The following ASTN2 variants were observed in gnomAD, a reference collection of about 807,000 sequenced individuals.
ASTN2 encodes the protein astrotactin 2, also known as astrotactin-2.
ASTN2 carries 54 observed loss-of-function variants against 139.8 expected under a neutral mutation model. The ratio of observed to expected loss-of-function variants is 0.39; its 90% CI spans 0.31 to 0.48. The LOEUF (loss-of-function observed/expected upper bound fraction) is 0.48, where lower values mean the gene tolerates loss of function less well. Ranked by LOEUF, ASTN2 falls within the 20% of genes least tolerant of loss-of-function variation. The pLI, the probability that ASTN2 is intolerant of heterozygous loss-of-function variation, is 0.95. For synonymous variants in ASTN2, 756 were observed against 719.5 expected (o/e 1.05, Z -0.81); for missense variants, 1,565 against 1,725.1 (o/e 0.91, Z 1.64).
chr9:116,972,054 C>T (rs1480267834), intron 10 of ASTN2, among the ~76,000 whole-genome samples: 1 of 152,140 alleles, frequency 6.6e-6, no homozygotes, highest in African/African-American at 2.4e-5. Context: ...AGTTAAAACA[C>T]TCATGTAACC....
intron 1 of ASTN2, among the ~76,000 whole-genome samples, chr9:117,330,643 T>C (rs984752026): frequency 6.6e-6 from 1 of 152,284 alleles, no homozygotes; most frequent in South Asian, 2.1e-4. Context: ...CATGAACACA[T>C]GTGGAGAGAG....
chr9:116,889,621 C>T (rs1192008710), intron 10 of ASTN2, among the ~76,000 whole-genome samples: 1 of 151,902 alleles, frequency 6.6e-6, no homozygotes, highest in Non-Finnish European at 1.5e-5. Flanking sequence ...AGTGGTGGCT[C>T]ATGCCTGTAA....
At chr9:117,156,678 G>A (rs1424901396) in intron 3 of ASTN2, among the ~76,000 whole-genome samples, 2 of 152,000 alleles carry the variant, frequency 1.3e-5, no homozygotes, top group East Asian at 3.9e-4. Flanking sequence ...AGCCGGCAGT[G>A]ACATCACTTT....
Position 117,291,365 on chromosome 9 carries a change from A to C in ASTN2, c.591T>G (p.Ile197Met), listed in dbSNP as rs2130783545. ...GGAGGATGTGCATCTGCTCCTCAAC[A>C]ATCTCCGAGGGCTCCTGGAGAGTGG... The part of the protein sequence containing the change: ...TAPTLQEPSE[I>M]VEEQMHILHI... Residue 197 changes from isoleucine to methionine, a missense_variant, in exon 2 of 23, where the codon ATT (isoleucine) becomes ATG (methionine). By Grantham distance (10) the Ile-to-Met change is conservative. This residue lies in a region of ASTN2 where 596 missense variants were observed against 576.8 expected (regional missense o/e 1.03). Transcript: ENST00000313400. 6.2e-7 allele frequency: 1 copy of C among 1,613,990 alleles called. No homozygotes were observed. The highest frequency in any genetic ancestry group is 8.5e-7 in the Non-Finnish European group (1 of 1,179,976).
At chr9:116,519,912 T>A (rs1297302547) in intron 19 of ASTN2, among the ~76,000 whole-genome samples, 1 of 152,058 alleles carries the variant, frequency 6.6e-6, no homozygotes, top group Admixed American at 6.5e-5. Context: ...CTAGAGGAGA[T>A]GGATAAATTC....
intron 10 of ASTN2, among the ~76,000 whole-genome samples, chr9:116,939,291 C>T (rs28483972): frequency 0.029 from 4,454 of 152,042 alleles, 249 homozygotes; most frequent in African/African-American, 0.1. Context: ...TGGTAGCTAG[C>T]ACACAGAAAA....
intron 5 of ASTN2, among the ~76,000 whole-genome samples, chr9:117,093,119 A>T (rs538710563): frequency 6.6e-6 from 1 of 152,112 alleles, no homozygotes; most frequent in Non-Finnish European, 1.5e-5. Flanking sequence ...CTCAGAGAAG[A>T]TCCACCCGTC....
intron 16 of ASTN2, among the ~76,000 whole-genome samples, chr9:116,679,281 A>G (rs55844217): frequency 0.14 from 21,694 of 152,124 alleles, 1,636 homozygotes; most frequent in Middle Eastern, 0.2. Context: ...ATTATAAATT[A>G]TGCCTCTTTC....
At chr9:117,069,357 C>A (rs1481976414) in intron 5 of ASTN2, among the ~76,000 whole-genome samples, 1 of 112,568 alleles carries the variant, frequency 8.9e-6, no homozygotes, top group African/African-American at 3.8e-5. Context: ...AGTTTGATTG[C>A]CCTGTGGTCT....
chr9:116,940,801 C>A (rs1835204487), intron 10 of ASTN2, among the ~76,000 whole-genome samples: 1 of 152,170 alleles, frequency 6.6e-6, no homozygotes, highest in African/African-American at 2.4e-5. Flanking sequence ...ACTACTCACT[C>A]ACTGACTCAC....
chr9:116,443,209 T>C (rs1847890839), intron 20 of ASTN2, among the ~76,000 whole-genome samples: 1 of 151,916 alleles, frequency 6.6e-6, no homozygotes, highest in East Asian at 1.9e-4. Context: ...ACCTGAATAG[T>C]GAGGAAGAAC....
intron 1 of ASTN2, among the ~76,000 whole-genome samples, chr9:117,314,306 G>T (rs1828065606): frequency 6.6e-6 from 1 of 152,014 alleles, no homozygotes; most frequent in Non-Finnish European, 1.5e-5. Context: ...CATCCTGGGA[G>T]GAAAAGGGTC....
chr9:116,747,130 G>A (rs909908497), intron 13 of ASTN2, among the ~76,000 whole-genome samples: 8 of 152,078 alleles, frequency 5.3e-5, no homozygotes, highest in South Asian at 2.1e-4. Flanking sequence ...TCTATTCATC[G>A]TTTACGACGT....
At chr9:117,234,362 T>C (rs545554381) in intron 2 of ASTN2, among the ~76,000 whole-genome samples, 19 of 152,296 alleles carry the variant, frequency 1.2e-4, no homozygotes, top group Admixed American at 6.5e-4. Context: ...CCATTTCTCC[T>C]CCACGCCTCT....
At chr9:116,572,958 A>T (rs1646667240) in intron 19 of ASTN2, among the ~76,000 whole-genome samples, 1 of 152,074 alleles carries the variant, frequency 6.6e-6, no homozygotes, top group Admixed American at 6.5e-5. Flanking sequence ...CAAGAGGAAG[A>T]GAAAGGTGCT....
chr9:116,982,573 T>C (rs1218032101), intron 7 of ASTN2, among the ~76,000 whole-genome samples: 1 of 151,964 alleles, frequency 6.6e-6, no homozygotes, highest in Non-Finnish European at 1.5e-5. Flanking sequence ...ATTATCATTA[T>C]TATTTTTTTA....
At chr9:117,381,630 C>T (rs941491506) in intron 1 of ASTN2, among the ~76,000 whole-genome samples, 9 of 152,100 alleles carry the variant, frequency 5.9e-5, no homozygotes, top group African/African-American at 2.2e-4. Flanking sequence ...CTGAGACCTC[C>T]CCAGAAGCAG....
At chr9:116,611,935 T>C (rs1659835490) in intron 19 of ASTN2, 1 of 152,178 alleles carries the variant, frequency 6.6e-6, no homozygotes, top group Non-Finnish European at 1.5e-5. Context: ...GAGACCAGAA[T>C]GATCCTAATT....
intron 20 of ASTN2, among the ~76,000 whole-genome samples, chr9:116,464,482 G>C (rs539630466): frequency 1.3e-5 from 2 of 152,126 alleles, no homozygotes; most frequent in African/African-American, 2.4e-5. Flanking sequence ...ACTAGTAAAG[G>C]CTTAGCAGAG....
Sources: allele counts gnomAD v4.1 joint callset (sites outside exome capture counted in the v4.1 genomes callset), GRCh38; gene constraint gnomAD v4.1.1; regional missense constraint gnomAD v4.1.1; transcripts MANE v1.5; gene names NCBI Gene and HGNC (gene_info 2026-07-23, HGNC 2026-07-21).